CDH3: variants seen among roughly 807,000 people sequenced by gnomAD.
The protein encoded by CDH3 is cadherin 3.
A neutral mutation model predicts 82.0 loss-of-function variants in CDH3; 54 were observed. The ratio of observed to expected loss-of-function variants is 0.66; its 90% CI spans 0.53 to 0.83. CDH3 has a LOEUF of 0.83. Among genes scored for constraint, CDH3 ranks in the 40% least tolerant of loss-of-function variants. The probability of loss-of-function intolerance (pLI) is 0.00; values close to 1 mark genes in which losing one functional copy is unlikely to be tolerated. For missense variants in CDH3, 1,054 were observed against 1,084.6 expected (o/e 0.97, Z 0.40); for synonymous variants, 446 against 437.9 (o/e 1.02, Z -0.23).
rs1597806859 is a variant in CDH3 at position 68,678,778 on chromosome 16, T to G, written c.563T>G (p.Val188Gly). The G allele has an allele frequency of 1.9e-6, 3 of 1,614,192 alleles. 1 individual carries two copies. The South Asian group carries it at 3.3e-5, about 18-fold the overall frequency. ...IAKYELFGHAVSENGASVEDP... is the reference protein window; with the variant it reads ...IAKYELFGHAGSENGASVEDP... ...ACCCCACAGCTCTTTGGCCACGCTG[T>G]GTCAGAGAATGGTGCCTCAGTGGAG... Residue 188 changes from valine to glycine, a missense_variant, in exon 6 of 16, where the codon GTG (valine) becomes GGG (glycine). Coordinates refer to ENST00000264012, the MANE Select transcript of CDH3 (RefSeq NM_001793.6).
At chr16:68,702,246 C>T (rs990351052), downstream of CDH3, among the ~76,000 whole-genome samples, 1 of 152,072 alleles carries the variant, frequency 6.6e-6, no homozygotes, top group African/African-American at 2.4e-5. Context: ...GACTTACTGT[C>T]CCCAACACAT....
At chr16:68,666,772 C>A (rs1348008020) in intron 2 of CDH3, among the ~76,000 whole-genome samples, 2 of 152,132 alleles carry the variant, frequency 1.3e-5, no homozygotes, top group African/African-American at 2.4e-5. Context: ...TTTTTTCCCC[C>A]CTCTGCAAAA....
downstream of CDH3, among the ~76,000 whole-genome samples, chr16:68,700,476 G>A (rs938416798): frequency 6.6e-6 from 1 of 152,200 alleles, no homozygotes; most frequent in Non-Finnish European, 1.5e-5. Context: ...CAAGGAGCCT[G>A]AAGCCTCAGA....
intron 2 of CDH3, among the ~76,000 whole-genome samples, chr16:68,722,781 C>T (rs946099409): frequency 1.3e-5 from 2 of 151,990 alleles, no homozygotes; most frequent in Non-Finnish European, 2.9e-5. Context: ...ACCTTCAACA[C>T]AGATTTATTT....
chr16:68,658,562 C>T (rs531793994), intron 2 of CDH3, among the ~76,000 whole-genome samples: 1 of 152,198 alleles, frequency 6.6e-6, no homozygotes, highest in Admixed American at 6.5e-5. Context: ...TGACTGCCTT[C>T]TGAGCGGCCT....
chr16:68,695,371 G>A lies in CDH3; in HGVS notation c.2119G>A (p.Gly707Ser), dbSNP rs1350470345. Reference sequence around the variant, plus strand: ...CTTCTACTATGGCGAAGAGGGGGGTGGCGAAGAGGACCAGGTGGGGCACTG... The same window carrying A: ...CTTCTACTATGGCGAAGAGGGGGGTAGCGAAGAGGACCAGGTGGGGCACTG... Reference protein sequence around the residue: ...NVFYYGEEGGGEEDQDYDITQ... With the variant: ...NVFYYGEEGGSEEDQDYDITQ... The change falls in exon 14 of 16, where the codon GGC (glycine) becomes AGC (serine). Residue 707 changes from glycine (G) to serine (S), a missense_variant. Gly to Ser is a moderately conservative substitution (Grantham distance 56, BLOSUM62 0). Transcript: ENST00000264012. The A allele has an allele frequency of 6.2e-7, 1 of 1,612,102 alleles. No individual in the cohort carries two copies. Among genetic ancestry groups the A allele is most frequent in the East Asian group, 2.2e-5 (1 of 44,854 alleles).
chr16:68,679,335 C>T (rs770941477), intron 6 of CDH3, among the ~76,000 whole-genome samples: 21 of 152,196 alleles, frequency 1.4e-4, no homozygotes, highest in Non-Finnish European at 2.5e-4. Flanking sequence ...TACAGAGCGC[C>T]TAATGCGAAG....
chr16:68,690,270 G>A (rs896366883), intron 12 of CDH3, among the ~76,000 whole-genome samples: 22 of 152,314 alleles, frequency 1.4e-4, no homozygotes, highest in African/African-American at 4.6e-4. Context: ...GCATCTGATC[G>A]GATCTGCTCA....
intron 1 of CDH3, among the ~76,000 whole-genome samples, chr16:68,706,544 C>CTTTTT (rs34364461): frequency 1.1e-4 from 9 of 81,628 alleles, no homozygotes; most frequent in Non-Finnish European, 1.6e-4. Flanking sequence ...GTCACATTTC[C>CTTTTT]TTTTTTTTTT....
intron 2 of CDH3, among the ~76,000 whole-genome samples, chr16:68,658,753 C>CT (rs1262023193): frequency 6.6e-6 from 1 of 152,116 alleles, no homozygotes; most frequent in Admixed American, 6.5e-5. Flanking sequence ...CTTTTATGGT[C>CT]TTTTTCCGCT....
intron 10 of CDH3, 109 bp downstream of exon 10, chr16:68,684,933 T>C: frequency 7.1e-7 from 1 of 1,402,146 alleles, no homozygotes; most frequent in Non-Finnish European, 1.0e-6. Context: ...AATAGGAATA[T>C]CCCTCCTGCA....
intron 2 of CDH3, among the ~76,000 whole-genome samples, chr16:68,726,309 C>T (rs1962218632): frequency 6.6e-6 from 1 of 152,172 alleles, no homozygotes; most frequent in Non-Finnish European, 1.5e-5. Context: ...CTCCCCTGAC[C>T]TGTGGCTGTC....
At chr16:68,704,955 CG>C (rs1308884037), downstream of CDH3, among the ~76,000 whole-genome samples, 1 of 152,010 alleles carries the variant, frequency 6.6e-6, no homozygotes, top group Non-Finnish European at 1.5e-5. Context: ...CCCAGCTACT[CG>C]GGAGGCTGAG....
intron 15 of CDH3, among the ~76,000 whole-genome samples, chr16:68,697,079 C>A (rs1030674323): frequency 4.0e-5 from 6 of 149,148 alleles, no homozygotes; most frequent in Non-Finnish European, 7.4e-5. Context: ...CCCACCAGCA[C>A]TTTGGGAGGC....
In CDH3 at chr16:68,717,787, A is replaced by G. The variant is rs553681433; in HGVS notation, c.100-4638A>G. On this transcript the variant is annotated intron_variant, in intron 1 of 2. Transcript: ENST00000569080. Reference sequence around the variant, plus strand: ...AGACATCCTCTAAAGAAAAAAAAAAAAAAGAAAGATGTGATTAGGTCATTA... The same window carrying G: ...AGACATCCTCTAAAGAAAAAAAAAAGAAAGAAAGATGTGATTAGGTCATTA... 3.3e-3 allele frequency among the ~76,000 whole-genome samples: 504 copies of G among 151,888 alleles called. 6 individuals are homozygous for G. The highest frequency in any genetic ancestry group is 0.012 in the African/African-American group (480 of 41,468).
chr16:68,723,805 C>G (rs547778050), intron 2 of CDH3, among the ~76,000 whole-genome samples: 1 of 152,324 alleles, frequency 6.6e-6, no homozygotes, highest in East Asian at 1.9e-4. Context: ...CGCGGTGGCT[C>G]ACGCCTGTAA....
At chr16:68,659,140 A>G (rs1399974411) in intron 2 of CDH3, among the ~76,000 whole-genome samples, 1 of 152,208 alleles carries the variant, frequency 6.6e-6, no homozygotes, top group Non-Finnish European at 1.5e-5. Context: ...AGGTGAGGAA[A>G]CTGAGGCCAG....
chr16:68,698,766 G>C lies in CDH3; in HGVS notation c.*366G>C, dbSNP rs1470407552. 4.4e-6 allele frequency: 1 copy of C among 228,798 alleles called. No homozygotes were observed. Among genetic ancestry groups the C allele is most frequent in the East Asian group, 1.0e-4 (1 of 9,974 alleles). 14.2% of individuals were successfully genotyped at this position (228,798 alleles called of 1,614,324 possible). On this transcript the variant is annotated 3_prime_UTR_variant, in exon 16 of 16. Coordinates refer to ENST00000264012, the MANE Select transcript of CDH3 (RefSeq NM_001793.6). Reference sequence around the variant, plus strand: ...GAATGGAACCTTCTTAGGCCTCCTGGTGCAACTTAATTTTTTTTTTTAATG... The same window carrying C: ...GAATGGAACCTTCTTAGGCCTCCTGCTGCAACTTAATTTTTTTTTTTAATG...
intron 7 of CDH3, among the ~76,000 whole-genome samples, chr16:68,680,533 G>A (rs1961189348): frequency 6.6e-6 from 1 of 152,158 alleles, no homozygotes; most frequent in Non-Finnish European, 1.5e-5. Flanking sequence ...ACAAAAATTA[G>A]CTGGGCGTGG....
Sources: gnomAD v4.1 joint callset for allele counts (sites outside exome capture counted in the v4.1 genomes callset) on GRCh38, gnomAD v4.1.1 for gene constraint, MANE v1.5 for transcripts, NCBI Gene and HGNC (gene_info 2026-07-23, HGNC 2026-07-21) for gene names.